Variants in CRLS1 observed in about 807,000 individuals in gnomAD.
CRLS1 encodes the protein cardiolipin synthase 1.
Under a neutral mutation model 37.0 loss-of-function variants are expected in CRLS1, and 24 were observed. The observed-to-expected ratio is 0.65, with a 90% CI of 0.47 to 0.91. The LOEUF (loss-of-function observed/expected upper bound fraction) is 0.91. Among genes scored for constraint, CRLS1 ranks in the 40% least tolerant of loss-of-function variants. CRLS1 has a pLI of 0.00. For missense variants in CRLS1, 373 were observed against 395.8 expected (o/e 0.94, Z 0.49); for synonymous variants, 135 against 159.7 (o/e 0.85, Z 1.17).
intron 4 of CRLS1, among the ~76,000 whole-genome samples, chr20:6,031,703 A>T (rs914040444): frequency 2.4e-4 from 37 of 152,368 alleles, no homozygotes; most frequent in African/African-American, 8.7e-4. Flanking sequence ...CTCCCAATGT[A>T]CTGAAAATAG....
chr20:6,037,690 AAG>A lies in CRLS1; in HGVS notation c.*536_*537del, dbSNP rs1980663302. On this transcript the variant is annotated 3_prime_UTR_variant, in exon 7 of 7. Transcript: ENST00000378863. ...AGTTGTAGATGAAGTAAAGTTATAA[AAG>A]AGATTAAAAATGCGGTAACTTTTTA... is the stretch of plus-strand genomic sequence containing the variant. 1 of 152,220 alleles carries A rather than the reference AAG, an allele frequency of 6.6e-6. No individual in the cohort carries two copies. The highest frequency in any genetic ancestry group is 2.4e-5 in the African/African-American group (1 of 41,458). The allele number at this position is 152,220 out of a possible 1,614,324, so 9.4% of individuals were successfully genotyped here. A position where few individuals can be genotyped will look rare whatever the true frequency, so the allele number is the denominator to read the frequency against.
At chr20:6,031,479 C>A in intron 4 of CRLS1, 109 bp downstream of exon 4, 1 of 705,160 alleles carries the variant, frequency 1.4e-6, no homozygotes, top group Non-Finnish European at 2.4e-6. Context: ...CACGTGAAAC[C>A]CAGACTAGCC....
At chr20:6,019,922 C>T (rs1177589649) in intron 3 of CRLS1, among the ~76,000 whole-genome samples, 2 of 151,866 alleles carry the variant, frequency 1.3e-5, no homozygotes, top group African/African-American at 2.4e-5. Context: ...TGATCCTGAC[C>T]TTAGGTGCCT....
intron 3 of CRLS1, among the ~76,000 whole-genome samples, chr20:6,027,292 C>A (rs1015554706): frequency 6.6e-6 from 1 of 151,932 alleles, no homozygotes; most frequent in African/African-American, 2.4e-5. Context: ...ACCATGTTGA[C>A]CAGGCTGGTC....
intron 1 of CRLS1, 155 bp downstream of exon 1, chr20:6,006,707 G>T (rs977035018): frequency 1.6e-5 from 16 of 985,146 alleles, no homozygotes; most frequent in Non-Finnish European, 1.8e-5. Flanking sequence ...TCATTCGGTC[G>T]GGATGAATTT....
chr20:6,019,644 TA>T (rs1465399289), intron 3 of CRLS1, among the ~76,000 whole-genome samples: 2 of 151,722 alleles, frequency 1.3e-5, no homozygotes, highest in African/African-American at 4.8e-5. Context: ...CTTGTAGTTT[TA>T]TTTTTTTTCT....
At chr20:6,016,409 T>G (rs1208359151) in intron 3 of CRLS1, among the ~76,000 whole-genome samples, 5 of 152,050 alleles carry the variant, frequency 3.3e-5, no homozygotes, top group Non-Finnish European at 7.4e-5. Flanking sequence ...TTTATGTGCT[T>G]CTTTGAAAGT....
chr20:6,017,261 T>G (rs1259766913), intron 3 of CRLS1, among the ~76,000 whole-genome samples: 1 of 152,242 alleles, frequency 6.6e-6, no homozygotes, highest in Non-Finnish European at 1.5e-5. Context: ...CCCTCTTCCA[T>G]AGACTTGGAG....
At position 6,038,257 on chromosome 20, in the gene CRLS1, T is replaced by C. The variant is rs1980715567; in HGVS notation, c.*1099T>C. The C allele has an allele frequency of 6.6e-6, 1 of 152,290 alleles. No individual in the cohort carries two copies. The highest frequency in any genetic ancestry group is 6.5e-5 in the Admixed American group (1 of 15,276). The allele number at this position is 152,290 out of a possible 1,614,324, so 9.4% of individuals were successfully genotyped here. On this transcript the variant is annotated 3_prime_UTR_variant, in exon 7 of 7. Coordinates refer to ENST00000378863, the MANE Select transcript of CRLS1 (RefSeq NM_019095.6). ...GGAAGGGGAGAAGAAGACAGTCCAGTGGTGACTAGTTGCTGCTGCTTAACC... is the reference window on the plus strand; with the variant it reads ...GGAAGGGGAGAAGAAGACAGTCCAGCGGTGACTAGTTGCTGCTGCTTAACC...
intron 3 of CRLS1, chr20:6,031,039 A>C: frequency 2.8e-6 from 1 of 362,490 alleles, no homozygotes; most frequent in Non-Finnish European, 4.9e-6. Context: ...AGCATACTGA[A>C]AGGCAGATAC....
chr20:6,006,749 CTG>C, intron 1 of CRLS1, 197 bp downstream of exon 1: 1 of 985,414 alleles, frequency 1.0e-6, no homozygotes, highest in Non-Finnish European at 1.2e-6. Flanking sequence ...CCTACGGTCT[CTG>C]TGGTCAAGTT....
In CRLS1 at chr20:6,039,276, TG is replaced by T. The variant is rs1980800204; in HGVS notation, c.*2119del. 1 of 47,044 alleles carries T rather than the reference TG, an allele frequency of 2.1e-5. No individual in the cohort carries two copies. The highest frequency in any genetic ancestry group is 6.0e-5 in the Non-Finnish European group (1 of 16,562). 2.9% of individuals were successfully genotyped at this position (47,044 alleles called of 1,614,324 possible). On this transcript the variant is annotated 3_prime_UTR_variant, in exon 7 of 7. Coordinates refer to ENST00000378863, the MANE Select transcript of CRLS1 (RefSeq NM_019095.6). ...GCAGTTTTGTTTGTGTGTGTGTGTG[TG>T]TGTGTGTGTGTGTGTGTGTGTGTGT...
intron 3 of CRLS1, among the ~76,000 whole-genome samples, chr20:6,027,668 G>C (rs528154220): frequency 1.3e-4 from 20 of 152,288 alleles, no homozygotes; most frequent in African/African-American, 4.6e-4. Flanking sequence ...GCCTGCCTCA[G>C]CCTCCCAAAG....
At position 6,026,847 on chromosome 20, in the gene CRLS1, G is replaced by T. The variant is rs542480042; in HGVS notation, c.575-4438G>T. Among the ~76,000 whole-genome samples, 8 of 152,216 alleles carry T rather than the reference G, an allele frequency of 5.3e-5. No homozygotes were observed. In the East Asian group the frequency reaches 1.4e-3, roughly 26 times the overall value. ...CTCAGTGTTCGGTATGTAGACCTTC[G>T]CTTGATCCCTATTGCACTCCAGTGC... is the stretch of plus-strand genomic sequence containing the variant. On this transcript the variant is annotated intron_variant, in intron 3 of 6. Transcript: ENST00000378863.
chr20:6,026,267 T>C (rs1180165332), intron 3 of CRLS1: 1 of 152,328 alleles, frequency 6.6e-6, no homozygotes, highest in Non-Finnish European at 1.5e-5. Context: ...AAAAAGATTA[T>C]GACTCATTAA....
At position 6,039,743 on chromosome 20, in the gene CRLS1, TAAAAAAA is replaced by T. The variant is rs11087708; in HGVS notation, c.*2594_*2600del. The T allele has an allele frequency of 3.5e-5, 5 of 144,918 alleles. No homozygotes were observed. The highest frequency in any genetic ancestry group is 1.3e-4 in the African/African-American group (5 of 39,488). 9.0% of individuals were successfully genotyped at this position (144,918 alleles called of 1,614,324 possible). A position where few individuals can be genotyped will look rare whatever the true frequency, so the allele number is the denominator to read the frequency against. The stretch of plus-strand genomic sequence containing the variant: ...GGCCCCAATAACTAGGTTTTTTTGT[TAAAAAAA>T]AAAAAAAAGGAAATGTGAACAGAGA... On this transcript the variant is annotated 3_prime_UTR_variant, in exon 7 of 7. Transcript: ENST00000378863.
At chr20:6,028,581 A>G (rs1979904818) in intron 3 of CRLS1, 1 of 152,206 alleles carries the variant, frequency 6.6e-6, no homozygotes, top group Non-Finnish European at 1.5e-5. Flanking sequence ...CATTTTTAAT[A>G]TGTAAACGAT....
At chr20:6,012,707 AC>A (rs1978421377) in intron 2 of CRLS1, among the ~76,000 whole-genome samples, 1 of 152,182 alleles carries the variant, frequency 6.6e-6, no homozygotes, top group Non-Finnish European at 1.5e-5. Flanking sequence ...AGTCATCGTT[AC>A]AGAGAGAGAA....
Position 6,034,486 on chromosome 20 carries a change from T to C in CRLS1, c.752T>C (p.Ile251Thr), listed in dbSNP as rs199802039. ...TAGGTGAATACAGCAGTCCAGTTAA[T>C]CTTGGTGGCAGCTTCTTTGGCAGCT... ...ISKVNTAVQL[I>T]LVAASLAAPV... Residue 251 changes from isoleucine to threonine, a missense_variant, in exon 6 of 7, where the codon ATC (isoleucine) becomes ACC (threonine). By Grantham distance (89) the Ile-to-Thr change is moderately conservative (BLOSUM62 -1). Coordinates refer to ENST00000378863, the MANE Select transcript of CRLS1 (RefSeq NM_019095.6). 9 of 1,613,068 alleles carry C rather than the reference T, an allele frequency of 5.6e-6. No homozygotes were observed. In the East Asian group the frequency reaches 1.8e-4, roughly 32 times the overall value.
Sources: gnomAD v4.1 joint callset for allele counts (sites outside exome capture counted in the v4.1 genomes callset) on GRCh38, gnomAD v4.1.1 for gene constraint, MANE v1.5 for transcripts, NCBI Gene and HGNC (gene_info 2026-07-23, HGNC 2026-07-21) for gene names.